The following TFPI variants were observed in gnomAD, a reference collection of about 807,000 sequenced individuals.
TFPI encodes anti-convertin.
A neutral mutation model predicts 34.6 loss-of-function variants in TFPI; 15 were observed. The ratio of observed to expected loss-of-function variants is 0.43; its 90% CI spans 0.29 to 0.67. The LOEUF (loss-of-function observed/expected upper bound fraction) is 0.67, where lower values mean the gene tolerates loss of function less well. Ranked by LOEUF, TFPI falls within the 30% of genes least tolerant of loss-of-function variation. The pLI, the probability that TFPI is intolerant of heterozygous loss-of-function variation, is 0.15. For missense variants in TFPI, 301 were observed against 364.0 expected (o/e 0.83, Z 1.41); for synonymous variants, 105 against 120.1 (o/e 0.87, Z 0.82).
chr2:187,541,686 C>T (rs573370774), intron 1 of TFPI, among the ~76,000 whole-genome samples: 1 of 152,068 alleles, frequency 6.6e-6, no homozygotes, highest in Non-Finnish European at 1.5e-5. Context: ...CTCTCCTGAA[C>T]GCTTTTACAA....
chr2:187,497,464 A>G (rs1297890028), intron 2 of TFPI, among the ~76,000 whole-genome samples: 1 of 152,012 alleles, frequency 6.6e-6, no homozygotes, highest in African/African-American at 2.4e-5. Context: ...ACAACCCTTT[A>G]AAAGCAACAG....
At chr2:187,486,126 T>C (rs1693243298) in intron 4 of TFPI, among the ~76,000 whole-genome samples, 1 of 151,726 alleles carries the variant, frequency 6.6e-6, no homozygotes, top group Non-Finnish European at 1.5e-5. Context: ...ATGTATTAAT[T>C]TGAAAGTTAA....
rs533141924 is a variant in TFPI at position 187,496,791 on chromosome 2, G to T, written c.319+90C>A. 2.6e-5 allele frequency: 31 copies of T among 1,170,392 alleles called. No individual in the cohort carries two copies. The East Asian group carries it at 4.8e-4, about 18-fold the overall frequency. 72.5% of individuals were successfully genotyped at this position (1,170,392 alleles called of 1,614,324 possible). ...TTCCTTGGAAATATTAAAACAGCAT[G>T]AAATTACTTTTCTCCCTAAATTATC... On this transcript the variant is annotated intron_variant, in intron 3 of 7. Transcript: ENST00000233156.
intron 1 of TFPI, among the ~76,000 whole-genome samples, chr2:187,533,642 A>G (rs1380771129): frequency 6.6e-6 from 1 of 152,212 alleles, no homozygotes; most frequent in East Asian, 1.9e-4. Flanking sequence ...AATTCCAAAA[A>G]CCAGAACATC....
intron 1 of TFPI, among the ~76,000 whole-genome samples, chr2:187,552,512 A>G (rs1044081277): frequency 1.3e-5 from 2 of 152,120 alleles, no homozygotes; most frequent in Non-Finnish European, 2.9e-5. Context: ...TTTAAGTCAA[A>G]ATAGTTGTAC....
At chr2:187,538,985 A>AATAT (rs1160500101) in intron 1 of TFPI, among the ~76,000 whole-genome samples, 7 of 152,166 alleles carry the variant, frequency 4.6e-5, no homozygotes, top group Non-Finnish European at 8.8e-5. Flanking sequence ...GAATAATATT[A>AATAT]ATATATATTG....
At chr2:187,472,113 C>T (rs1692074946) in intron 6 of TFPI, among the ~76,000 whole-genome samples, 1 of 152,072 alleles carries the variant, frequency 6.6e-6, no homozygotes, top group South Asian at 2.1e-4. Flanking sequence ...CCTTTAACCA[C>T]TACCAATGGT....
intron 1 of TFPI, chr2:187,547,016 A>G (rs1688903608): frequency 6.6e-6 from 1 of 152,214 alleles, no homozygotes; most frequent in Admixed American, 6.5e-5. Context: ...AGCTAAAAAG[A>G]TCAAGTCAGT....
chr2:187,490,818 T>C (rs1685073315), intron 3 of TFPI, among the ~76,000 whole-genome samples: 1 of 151,812 alleles, frequency 6.6e-6, no homozygotes, highest in Admixed American at 6.6e-5. Context: ...TCATGTCTTC[T>C]TTAGAATTAC....
At chr2:187,545,217 T>A (rs1688797664) in intron 1 of TFPI, among the ~76,000 whole-genome samples, 1 of 152,234 alleles carries the variant, frequency 6.6e-6, no homozygotes, top group African/African-American at 2.4e-5. Flanking sequence ...AGAATAAAAC[T>A]GTTCACTGTA....
intron 6 of TFPI, chr2:187,478,765 C>G: frequency 6.2e-7 from 1 of 1,613,726 alleles, no homozygotes; most frequent in East Asian, 2.2e-5. Context: ...TAAATATGAG[C>G]CGCATTCTTC....
intron 1 of TFPI, chr2:187,515,230 A>T (rs1267377937): frequency 6.6e-6 from 1 of 152,194 alleles, no homozygotes; most frequent in Non-Finnish European, 1.5e-5. Context: ...CCTAAAGATA[A>T]AGGCCCCCCA....
At chr2:187,517,123 A>G (rs371984926) in intron 1 of TFPI, 4 of 152,170 alleles carry the variant, frequency 2.6e-5, no homozygotes, top group African/African-American at 9.6e-5. Flanking sequence ...TTTATTGAGC[A>G]CACGTTTTCT....
At chr2:187,499,789 G>T (rs571539085) in intron 2 of TFPI, among the ~76,000 whole-genome samples, 1 of 152,056 alleles carries the variant, frequency 6.6e-6, no homozygotes, top group African/African-American at 2.4e-5. Flanking sequence ...TCAAATTGCT[G>T]TAGAAATTCT....
intron 1 of TFPI, among the ~76,000 whole-genome samples, chr2:187,512,626 A>C (rs1441809267): frequency 6.6e-6 from 1 of 152,186 alleles, no homozygotes; most frequent in East Asian, 1.9e-4. Flanking sequence ...GGTTTTCAGC[A>C]AAAGTAAAGT....
At chr2:187,517,542 AG>A (rs754112697) in intron 1 of TFPI, 4 of 152,208 alleles carry the variant, frequency 2.6e-5, no homozygotes, top group Non-Finnish European at 5.9e-5. Flanking sequence ...GCATTTGCTG[AG>A]GAGTGTTTTA....
intron 4 of TFPI, among the ~76,000 whole-genome samples, chr2:187,486,268 A>G (rs1233337518): frequency 1.3e-5 from 2 of 151,658 alleles, no homozygotes; most frequent in South Asian, 2.1e-4. Context: ...TAAGGTAAAA[A>G]TACATTGAAT....
intron 6 of TFPI, among the ~76,000 whole-genome samples, chr2:187,476,207 C>G (rs8176542): frequency 0.018 from 2,667 of 152,118 alleles, 72 homozygotes; most frequent in African/African-American, 0.061. Flanking sequence ...ATGCACTGGT[C>G]AATCAGATCC....
At chr2:187,475,047 G>A (rs1182796406) in intron 6 of TFPI, among the ~76,000 whole-genome samples, 2 of 152,084 alleles carry the variant, frequency 1.3e-5, no homozygotes, top group African/African-American at 4.8e-5. Context: ...GTCTTAGCAC[G>A]TAACACAGGC....
Sources: allele counts gnomAD v4.1 joint callset (sites outside exome capture counted in the v4.1 genomes callset), GRCh38; gene constraint gnomAD v4.1.1; transcripts MANE v1.5; gene names NCBI Gene and HGNC (gene_info 2026-07-23, HGNC 2026-07-21).